The following NCOA2 variants were observed in gnomAD, a reference collection of about 807,000 sequenced individuals.
NCOA2 encodes the protein nuclear receptor coactivator 2.
Under a neutral mutation model 145.1 loss-of-function variants are expected in NCOA2, and 21 were observed. The ratio of observed to expected loss-of-function variants is 0.14; its 90% CI spans 0.10 to 0.21. The LOEUF (loss-of-function observed/expected upper bound fraction) is 0.21. Among genes scored for constraint, NCOA2 ranks in the 10% least tolerant of loss-of-function variants. The pLI is 1.00. For missense variants in NCOA2, 1,472 were observed against 1,837.6 expected, an observed-to-expected ratio of 0.80 and a Z score of 3.64; for synonymous variants, 619 against 637.5, an observed-to-expected ratio of 0.97 and a Z score of 0.44.
At chr8:70,437,156 C>T in the NCOA2 span, among the ~76,000 whole-genome samples, 1 of 152,206 alleles carries the variant, frequency 6.6e-6, no homozygotes, top group African/African-American at 2.4e-5. Flanking sequence ...ATGCTATTCC[C>T]TCTGGCTGGA....
In NCOA2 at chr8:70,310,459, G is replaced by GT. The variant is rs1390840242; in HGVS notation, c.-76-13660dup. Among the ~76,000 whole-genome samples the GT allele has an allele frequency of 1.3e-5, 2 of 151,846 alleles. 1 individual carries two copies. The highest frequency in any genetic ancestry group is 2.9e-5 in the Non-Finnish European group (2 of 68,000). ...CACAAAAAGTTATTTGTAGTTTGTA[G>GT]TATCTAAACACACTTTAGTTAACTA... On this transcript the variant is annotated intron_variant, in intron 1 of 22. Coordinates refer to ENST00000452400, the MANE Select transcript of NCOA2 (RefSeq NM_006540.4).
intron 1 of NCOA2, among the ~76,000 whole-genome samples, chr8:70,328,543 G>T (rs908700295): frequency 6.6e-6 from 1 of 152,008 alleles, no homozygotes; most frequent in Non-Finnish European, 1.5e-5. Flanking sequence ...TACTGAACTT[G>T]TCCTTGTTAT....
At chr8:70,341,177 G>C (rs772511570) in intron 1 of NCOA2, among the ~76,000 whole-genome samples, 2 of 151,840 alleles carry the variant, frequency 1.3e-5, no homozygotes, top group Non-Finnish European at 2.9e-5. Context: ...GATTGCTTGA[G>C]GTCAGGAGTT....
chr8:70,441,178 G>A, the NCOA2 span, among the ~76,000 whole-genome samples: 17 of 149,356 alleles, frequency 1.1e-4, no homozygotes, highest in African/African-American at 3.9e-4. Flanking sequence ...GCCCCTGAGA[G>A]AATCTGCATT....
In NCOA2 at chr8:70,131,831, G is replaced by A. The variant is rs201046907; in HGVS notation, c.3324+6C>T. On this transcript the variant is annotated splice_donor_region_variant and intron_variant, in intron 16 of 22. Coordinates refer to ENST00000452400, the MANE Select transcript of NCOA2 (RefSeq NM_006540.4). The stretch of plus-strand genomic sequence containing the variant: ...TGGCCCCCACCTGCTGCCCTTCCGC[G>A]CATACCTGGCTGACCAGTTCGGGTA... The A allele has an allele frequency of 1.9e-4, 303 of 1,581,056 alleles. No individual in the cohort carries two copies. In the African/African-American group the frequency reaches 3.0e-3, roughly 15 times the overall value.
rs1826494525 is a variant in NCOA2 at position 70,289,377 on chromosome 8, A to G, written c.-20+7367T>C. On this transcript the variant is annotated intron_variant, in intron 2 of 22. Coordinates refer to ENST00000452400, the MANE Select transcript of NCOA2 (RefSeq NM_006540.4). Reference sequence around the variant, plus strand: ...AAAGATAGTCTTTTATAGTCTAGGTAAAGATTTAAAAGTCTCAGTACTCAT... The same window carrying G: ...AAAGATAGTCTTTTATAGTCTAGGTGAAGATTTAAAAGTCTCAGTACTCAT... Among the ~76,000 whole-genome samples, 3 of 152,344 alleles carry G rather than the reference A, an allele frequency of 2.0e-5. No individual in the cohort carries two copies. The South Asian group carries it at 6.2e-4, about 32-fold the overall frequency.
In NCOA2 at chr8:70,263,165, G is replaced by A. The variant is rs147525125; in HGVS notation, c.-20+33579C>T. 3.2e-3 allele frequency among the ~76,000 whole-genome samples: 467 copies of A among 146,940 alleles called. 2 individuals are homozygous for A. Among genetic ancestry groups the A allele is most frequent in the African/African-American group, 0.011 (422 of 39,420 alleles). On this transcript the variant is annotated intron_variant, in intron 2 of 22. Transcript: ENST00000452400. ...AGGGTCACTGGAACACTAGCACTGC[G>A]ATACCTAGACAGTGGACCTGATAAC...
intron 1 of NCOA2, among the ~76,000 whole-genome samples, chr8:70,360,295 G>T (rs1586592166): frequency 6.6e-6 from 1 of 152,118 alleles, no homozygotes; most frequent in South Asian, 2.1e-4. Context: ...CATTATCTGA[G>T]AATTTAGCAC....
chr8:70,170,369 C>A lies in NCOA2; in HGVS notation c.374G>T (p.Gly125Val). ...LGPMMLEALD[G>V]FFFVVNLEGN... ...TTCCAGGTTCACTACAAAGAAGAACCCATCAAGGGCCTAGGGAACAAAGTA... is the reference window on the plus strand; with the variant it reads ...TTCCAGGTTCACTACAAAGAAGAACACATCAAGGGCCTAGGGAACAAAGTA... The change falls in exon 6 of 23, where the codon GGG (glycine) becomes GTG (valine). Residue 125 changes from glycine to valine, a missense_variant. Coordinates refer to ENST00000452400, the MANE Select transcript of NCOA2 (RefSeq NM_006540.4). 1 of 1,585,664 alleles carries A rather than the reference C, an allele frequency of 6.3e-7. No homozygotes were observed. Among genetic ancestry groups the A allele is most frequent in the East Asian group, 2.3e-5 (1 of 43,970 alleles).
intron 1 of NCOA2, among the ~76,000 whole-genome samples, chr8:70,333,278 T>C (rs1158637302): frequency 1.3e-5 from 2 of 152,098 alleles, no homozygotes. Flanking sequence ...CCCAGAGTAT[T>C]CCTAAGCATT....
intron 14 of NCOA2, among the ~76,000 whole-genome samples, chr8:70,140,173 T>A (rs1810226319): frequency 6.6e-6 from 1 of 152,006 alleles, no homozygotes; most frequent in Non-Finnish European, 1.5e-5. Context: ...ATATTCAGAG[T>A]TGTACAACCA....
intron 1 of NCOA2, among the ~76,000 whole-genome samples, chr8:70,359,910 C>T (rs1245912314): frequency 6.6e-6 from 1 of 152,110 alleles, no homozygotes; most frequent in African/African-American, 2.4e-5. Context: ...TGGATCATTT[C>T]ATCTTGCTTA....
At chr8:70,272,303 A>G (rs1825112812) in intron 2 of NCOA2, among the ~76,000 whole-genome samples, 1 of 152,236 alleles carries the variant, frequency 6.6e-6, no homozygotes, top group Non-Finnish European at 1.5e-5. Flanking sequence ...GGATGTTTAC[A>G]GAAATTAAGC....
At chr8:70,141,498 G>T in intron 13 of NCOA2, 99 bp from the exon 14 acceptor site, 1 of 1,129,086 alleles carries the variant, frequency 8.9e-7, no homozygotes. Context: ...CAATCATTCT[G>T]TAATTCACAC....
intron 1 of NCOA2, among the ~76,000 whole-genome samples, chr8:70,378,898 CA>C (rs1189865304): frequency 6.6e-6 from 1 of 152,098 alleles, no homozygotes; most frequent in Non-Finnish European, 1.5e-5. Context: ...ATCCTCACAG[CA>C]ACAGAACCAA....
At chr8:70,287,059 A>G (rs907659046) in intron 2 of NCOA2, among the ~76,000 whole-genome samples, 2 of 152,074 alleles carry the variant, frequency 1.3e-5, no homozygotes, top group African/African-American at 4.8e-5. Flanking sequence ...CCTGGCCAAC[A>G]TGCTTAAATC....
chr8:70,156,765 G>C lies in NCOA2; in HGVS notation c.1600C>G (p.Leu534Val), dbSNP rs745421175. Residue 534 changes from leucine to valine, a missense_variant, in exon 11 of 23, where the codon CTC becomes GTC. This residue lies in a region of NCOA2 where 953 missense variants were observed against 1,062.1 expected (regional missense o/e 0.90). Coordinates refer to ENST00000452400, the MANE Select transcript of NCOA2 (RefSeq NM_006540.4). The stretch of plus-strand genomic sequence containing the variant: ...TCGCTGAGGGCCTGAAGTGCATTGA[G>C]GGAGCTGTTGGTATAACTATGGCTA... ...GNSHSYTNSS[L>V]NALQALSEGH... The C allele has an allele frequency of 1.2e-6, 2 of 1,614,010 alleles. No individual in the cohort carries two copies. Among genetic ancestry groups the C allele is most frequent in the Non-Finnish European group, 1.7e-6 (2 of 1,179,892 alleles).
At chr8:70,182,900 T>C (rs1585993461) in intron 4 of NCOA2, among the ~76,000 whole-genome samples, 1 of 152,292 alleles carries the variant, frequency 6.6e-6, no homozygotes, top group Non-Finnish European at 1.5e-5. Flanking sequence ...CATGGAAACA[T>C]GGCTTCAGAA....
At position 70,124,049 on chromosome 8, in the gene NCOA2, C is replaced by T; in HGVS notation, c.4128G>A (p.Gly1376=). The T allele has an allele frequency of 6.2e-7, 1 of 1,613,846 alleles. No individual in the cohort carries two copies. The highest frequency in any genetic ancestry group is 1.3e-5 in the African/African-American group (1 of 75,052). The change falls in exon 21 of 23, where the codon GGG becomes GGA. Residue 1376 remains glycine (G), a synonymous_variant. Coordinates refer to ENST00000452400, the MANE Select transcript of NCOA2 (RefSeq NM_006540.4). ...MFSQQSPPHF[G]QQANTSMYSN... is the part of the protein sequence containing the mutation. ...TGTACATGCTGGTGTTTGCTTGCTG[C>T]CCAAAGTGTGGTGGGGACTGCTGGG...
Sources: gnomAD v4.1 joint callset for allele counts (sites outside exome capture counted in the v4.1 genomes callset) on GRCh38, gnomAD v4.1.1 for gene constraint, gnomAD v4.1.1 regional missense constraint, MANE v1.5 for transcripts, NCBI Gene and HGNC (gene_info 2026-07-23, HGNC 2026-07-21) for gene names.